The following RBFOX1 variants were observed in gnomAD, a reference collection of about 807,000 sequenced individuals.
The protein encoded by RBFOX1 is RNA binding fox-1 homolog 1.
In RBFOX1, 8 loss-of-function variants were observed where a neutral mutation model predicts 57.7. The ratio of observed to expected loss-of-function variants is 0.14; its 90% CI spans 0.08 to 0.25. The LOEUF (loss-of-function observed/expected upper bound fraction) is 0.25. Among genes scored for constraint, RBFOX1 ranks in the 10% least tolerant of loss-of-function variants. RBFOX1 has a pLI of 1.00. For synonymous variants in RBFOX1, 326 were observed against 222.4 expected (o/e 1.47, Z -4.15); for missense variants, 611 against 548.5 (o/e 1.11, Z -1.14).
chr16:6,528,838 A>G (rs2096617456), intron 2 of RBFOX1, among the ~76,000 whole-genome samples: 4 of 152,190 alleles, frequency 2.6e-5, no homozygotes, highest in African/African-American at 9.6e-5. Context: ...ATCCAAGGCC[A>G]GGTTGTGCCA....
intron 3 of RBFOX1, among the ~76,000 whole-genome samples, chr16:5,845,224 A>G (rs116592703): frequency 6.6e-6 from 1 of 152,244 alleles, no homozygotes; most frequent in African/African-American, 2.4e-5. Flanking sequence ...TATTACTCAT[A>G]ACTCCACCCT....
At chr16:6,252,372 A>T (rs1421735546) in intron 1 of RBFOX1, among the ~76,000 whole-genome samples, 1 of 152,196 alleles carries the variant, frequency 6.6e-6, no homozygotes, top group Non-Finnish European at 1.5e-5. Context: ...GATAAAGATA[A>T]TTATCATGTG....
intron 1 of RBFOX1, among the ~76,000 whole-genome samples, chr16:5,326,564 A>T (rs879405589): frequency 6.6e-6 from 1 of 152,150 alleles, no homozygotes; most frequent in Non-Finnish European, 1.5e-5. Flanking sequence ...CCCATTCTAG[A>T]CTTCATTATC....
intron 1 of RBFOX1, among the ~76,000 whole-genome samples, chr16:6,233,361 C>T (rs917223582): frequency 7.9e-5 from 12 of 152,014 alleles, no homozygotes; most frequent in African/African-American, 2.9e-4. Flanking sequence ...TGATCCAAAC[C>T]ACCATCTCCC....
At chr16:6,803,184 A>G (rs896740237) in intron 3 of RBFOX1, among the ~76,000 whole-genome samples, 1 of 152,058 alleles carries the variant, frequency 6.6e-6, no homozygotes, top group Non-Finnish European at 1.5e-5. Context: ...AAGGACACCA[A>G]ATGATTGAAA....
chr16:6,585,898 G>A (rs1357676323), intron 2 of RBFOX1, among the ~76,000 whole-genome samples: 1 of 152,174 alleles, frequency 6.6e-6, no homozygotes, highest in African/African-American at 2.4e-5. Context: ...GAAGTATCAT[G>A]TAGTAGAGAT....
intron 1 of RBFOX1, among the ~76,000 whole-genome samples, chr16:5,464,352 C>G (rs188065191): frequency 6.6e-6 from 1 of 152,148 alleles, no homozygotes; most frequent in East Asian, 1.9e-4. Flanking sequence ...GCAGACCCTA[C>G]GGGTTGTTTG....
intron 3 of RBFOX1, among the ~76,000 whole-genome samples, chr16:6,791,722 C>G (rs953727910): frequency 1.3e-5 from 2 of 152,150 alleles, no homozygotes; most frequent in African/African-American, 4.8e-5. Flanking sequence ...TCGTGCCACA[C>G]TGCACTGCAG....
At chr16:6,378,169 G>A (rs1327696470) in intron 2 of RBFOX1, among the ~76,000 whole-genome samples, 2 of 152,234 alleles carry the variant, frequency 1.3e-5, no homozygotes, top group Non-Finnish European at 2.9e-5. Flanking sequence ...TGTTTGGGAG[G>A]AAGGCTGCCA....
chr16:5,446,729 C>T (rs1385296241), intron 1 of RBFOX1, among the ~76,000 whole-genome samples: 3 of 152,070 alleles, frequency 2.0e-5, no homozygotes, highest in Non-Finnish European at 4.4e-5. Context: ...GACTTGGTAG[C>T]TTAGACTAAG....
intron 1 of RBFOX1, among the ~76,000 whole-genome samples, chr16:6,105,444 G>A (rs1247811418): frequency 6.6e-6 from 1 of 151,902 alleles, no homozygotes; most frequent in East Asian, 1.9e-4. Context: ...CACATTTTTG[G>A]AATTGAAGAT....
chr16:6,406,049 A>G lies in RBFOX1; in HGVS notation c.-64+88992A>G, dbSNP rs141251802. On this transcript the variant is annotated intron_variant, in intron 2 of 15. Transcript: ENST00000550418. The stretch of plus-strand genomic sequence containing the variant: ...ACTTGTCTCCTCTCATTAACAGCCA[A>G]TGTCTCACATATGTCCTGGTGGATC... Among the ~76,000 whole-genome samples, 118 of 152,304 alleles carry G rather than the reference A, an allele frequency of 7.7e-4. No homozygotes were observed. The Middle Eastern group carries it at 0.014, about 18-fold the overall frequency.
At chr16:7,249,706 A>G (rs2094439468) in intron 4 of RBFOX1, among the ~76,000 whole-genome samples, 1 of 152,020 alleles carries the variant, frequency 6.6e-6, no homozygotes. Flanking sequence ...GCACAGTCCC[A>G]ATTGCTGAGC....
At chr16:7,108,673 T>C (rs551856540) in intron 4 of RBFOX1, among the ~76,000 whole-genome samples, 3 of 152,214 alleles carry the variant, frequency 2.0e-5, no homozygotes, top group South Asian at 4.2e-4. Context: ...AATGCAACAA[T>C]TTTGCAACAT....
chr16:6,754,706 T>G (rs1603553590), intron 3 of RBFOX1, among the ~76,000 whole-genome samples: 1 of 152,138 alleles, frequency 6.6e-6, no homozygotes. Context: ...GAATGTTGTT[T>G]TTTTTTTATT....
rs897059074 is a variant in RBFOX1, at chr16:6,395,581, T to G, written c.-64+78524T>G. Among the ~76,000 whole-genome samples the G allele has an allele frequency of 7.9e-5, 6 of 75,956 alleles. No individual in the cohort carries two copies. In the East Asian group the frequency reaches 1.2e-3, roughly 16 times the overall value. The allele number at this position is 75,956 out of a possible 152,430, so 49.8% of individuals were successfully genotyped here. A position where few individuals can be genotyped will look rare whatever the true frequency, so the allele number is the denominator to read the frequency against. On this transcript the variant is annotated intron_variant, in intron 2 of 15. Coordinates refer to ENST00000550418, the MANE Select transcript of RBFOX1 (RefSeq NM_018723.4). ...GCTTTTTGTGTGAAAAAACATATAA[T>G]TATATACAGAGTTATTACCTTACTA... is the stretch of plus-strand genomic sequence containing the variant.
At chr16:7,347,805 T>C (rs1489735514) in intron 4 of RBFOX1, among the ~76,000 whole-genome samples, 1 of 152,186 alleles carries the variant, frequency 6.6e-6, no homozygotes, top group African/African-American at 2.4e-5. Context: ...GTTCAAAGTA[T>C]TGCTGAGTAG....
intron 2 of RBFOX1, among the ~76,000 whole-genome samples, chr16:6,586,934 AAT>A (rs937758830): frequency 3.3e-5 from 5 of 152,170 alleles, no homozygotes; most frequent in African/African-American, 1.2e-4. Flanking sequence ...GATGTTTTGA[AAT>A]ATATATATAT....
intron 4 of RBFOX1, among the ~76,000 whole-genome samples, chr16:7,407,965 T>TC (rs1366201737): frequency 1.3e-5 from 2 of 152,182 alleles, no homozygotes; most frequent in East Asian, 3.9e-4. Flanking sequence ...AATTGAATAA[T>TC]CACAATGAAT....
Sources: gnomAD v4.1 joint callset for allele counts (sites outside exome capture counted in the v4.1 genomes callset) on GRCh38, gnomAD v4.1.1 for gene constraint, MANE v1.5 for transcripts, NCBI Gene and HGNC (gene_info 2026-07-23, HGNC 2026-07-21) for gene names.